DIP2B: variants seen among roughly 807,000 people sequenced by gnomAD.
The protein encoded by DIP2B is disco-interacting protein 2 homolog B.
A neutral mutation model predicts 198.0 loss-of-function variants in DIP2B; 76 were observed. The ratio of observed to expected loss-of-function variants is 0.38; its 90% CI spans 0.32 to 0.46. The LOEUF is 0.46. Among genes scored for constraint, DIP2B ranks in the 20% least tolerant of loss-of-function variants. The pLI is 0.99. For missense variants in DIP2B, 1,559 were observed against 1,978.4 expected, an observed-to-expected ratio of 0.79 and a Z score of 4.02; for synonymous variants, 701 against 739.1, an observed-to-expected ratio of 0.95 and a Z score of 0.84.
intron 1 of DIP2B, among the ~76,000 whole-genome samples, chr12:50,572,538 T>C (rs1347224353): frequency 6.6e-6 from 1 of 152,166 alleles, no homozygotes; most frequent in Non-Finnish European, 1.5e-5. Flanking sequence ...TCCTGCTAGA[T>C]GCTTTGAGGG....
At chr12:50,681,683 C>T (rs1408807959) in intron 9 of DIP2B, among the ~76,000 whole-genome samples, 1 of 152,116 alleles carries the variant, frequency 6.6e-6, no homozygotes, top group Non-Finnish European at 1.5e-5. Context: ...GAAACACCAA[C>T]TACACAATAG....
chr12:50,696,009 T>C (rs1203799902), intron 16 of DIP2B, 42 bp downstream of exon 16: 1 of 1,612,222 alleles, frequency 6.2e-7, no homozygotes, highest in African/African-American at 1.3e-5. Context: ...ATCCTGTGTT[T>C]TGATAGATTA....
intron 2 of DIP2B, among the ~76,000 whole-genome samples, chr12:50,638,736 A>G (rs1252300244): frequency 3.3e-5 from 5 of 152,122 alleles, no homozygotes; most frequent in Admixed American, 1.3e-4. Flanking sequence ...CTGACATTAC[A>G]TATGCTGTTA....
intron 1 of DIP2B, among the ~76,000 whole-genome samples, chr12:50,599,999 GA>G (rs951129519): frequency 5.9e-5 from 9 of 151,888 alleles, no homozygotes; most frequent in Non-Finnish European, 8.8e-5. Context: ...ACTGAGCAGG[GA>G]AAAAAAATTG....
At chr12:50,560,325 G>C (rs1219345937) in intron 1 of DIP2B, among the ~76,000 whole-genome samples, 1 of 151,860 alleles carries the variant, frequency 6.6e-6, no homozygotes, top group Non-Finnish European at 1.5e-5. Context: ...AACCTGGGAG[G>C]TGGAGCTTGC....
chr12:50,615,256 CCCG>C (rs1459946406), intron 1 of DIP2B, among the ~76,000 whole-genome samples: 1 of 152,084 alleles, frequency 6.6e-6, no homozygotes, highest in African/African-American at 2.4e-5. Flanking sequence ...CACCCCCTCC[CCCG>C]CCATTTCTTT....
intron 10 of DIP2B, among the ~76,000 whole-genome samples, chr12:50,684,554 G>A (rs1322189244): frequency 6.6e-6 from 1 of 152,202 alleles, no homozygotes; most frequent in Non-Finnish European, 1.5e-5. Flanking sequence ...CACTTTGGGA[G>A]GCCGAGGTGG....
intron 1 of DIP2B, among the ~76,000 whole-genome samples, chr12:50,616,688 A>T (rs796324625): frequency 2.6e-5 from 4 of 152,312 alleles, no homozygotes; most frequent in African/African-American, 9.6e-5. Context: ...CTTGTTTTGT[A>T]TGACTGTGAG....
chr12:50,713,935 A>T (rs1246084936), intron 22 of DIP2B, among the ~76,000 whole-genome samples: 1 of 151,928 alleles, frequency 6.6e-6, no homozygotes, highest in Admixed American at 6.6e-5. Flanking sequence ...AAAAGAAAAG[A>T]AAAAAAATTA....
intron 5 of DIP2B, 86 bp downstream of exon 5, chr12:50,671,484 T>G (rs1938853513): frequency 7.4e-7 from 1 of 1,344,734 alleles, no homozygotes; most frequent in Non-Finnish European, 1.0e-6. Context: ...TTGTGTTAGG[T>G]TTTTCAGTAT....
chr12:50,605,247 A>G (rs761567203), intron 1 of DIP2B, among the ~76,000 whole-genome samples: 2 of 152,192 alleles, frequency 1.3e-5, no homozygotes, highest in Admixed American at 6.5e-5. Context: ...GTGTTATGCA[A>G]CCATCACTGT....
chr12:50,709,617 G>A (rs1028564713), intron 22 of DIP2B, among the ~76,000 whole-genome samples: 1 of 150,472 alleles, frequency 6.6e-6, no homozygotes, highest in South Asian at 2.1e-4. Flanking sequence ...CAGCCTGGGG[G>A]ACAGAGCAAG....
Position 50,744,704 on chromosome 12 carries a change from C to G in DIP2B, c.4596C>G (p.Leu1532=), listed in dbSNP as rs142375450. The change falls in exon 38 of 38, where the codon CTC becomes CTG. Residue 1532 remains leucine, a synonymous_variant. Coordinates refer to ENST00000301180, the MANE Select transcript of DIP2B (RefSeq NM_173602.3). ...VTNVVLEEHY[L]IVGVVVVVDP... is the part of the protein sequence containing the mutation. ...ACGTGGTCCTGGAAGAGCATTACCT[C>G]ATCGTTGGCGTCGTGGTTGTGGTGG... 19 of 1,614,082 alleles carry G rather than the reference C, an allele frequency of 1.2e-5. No individual in the cohort carries two copies. The African/African-American group carries it at 1.6e-4, about 14-fold the overall frequency.
intron 1 of DIP2B, among the ~76,000 whole-genome samples, chr12:50,592,872 T>C (rs991217740): frequency 3.3e-5 from 5 of 152,196 alleles, no homozygotes; most frequent in Non-Finnish European, 2.9e-5. Flanking sequence ...TAATAGGTGC[T>C]TCTAAATGTT....
intron 1 of DIP2B, among the ~76,000 whole-genome samples, chr12:50,604,146 A>G (rs1423348954): frequency 7.2e-6 from 1 of 138,762 alleles, no homozygotes; most frequent in East Asian, 3.4e-4. Context: ...GAGAGCAGAC[A>G]AGTTAGGCAA....
intron 14 of DIP2B, 104 bp downstream of exon 14, chr12:50,693,117 C>A (rs1388150553): frequency 2.7e-6 from 3 of 1,122,134 alleles, no homozygotes; most frequent in African/African-American, 3.2e-5. Flanking sequence ...AAATTTAAAT[C>A]CCCAAAAGGT....
intron 36 of DIP2B, among the ~76,000 whole-genome samples, chr12:50,739,974 C>T (rs1204429263): frequency 6.6e-6 from 1 of 152,198 alleles, no homozygotes; most frequent in Admixed American, 6.5e-5. Context: ...CTGAGAGGGG[C>T]GTCAGTTCCA....
Position 50,660,559 on chromosome 12 carries a change from C to CT in DIP2B, c.427+252dup, listed in dbSNP as rs1000542930. On this transcript the variant is annotated intron_variant, in intron 4 of 37. Coordinates refer to ENST00000301180, the MANE Select transcript of DIP2B (RefSeq NM_173602.3). ...AAAACTTTCCTTCTGAATTTCCAGT[C>CT]TTTTTTTTTTTTGGCTGTAATCCCC... Among the ~76,000 whole-genome samples the CT allele has an allele frequency of 2.8e-3, 407 of 144,200 alleles. 1 individual carries two copies. Among genetic ancestry groups the CT allele is most frequent in the African/African-American group, 7.6e-3 (300 of 39,530 alleles). 94.6% of individuals were successfully genotyped at this position (144,200 alleles called of 152,430 possible). A position where few individuals can be genotyped will look rare whatever the true frequency, so the allele number is the denominator to read the frequency against.
At chr12:50,616,976 T>C (rs1160900319) in intron 1 of DIP2B, among the ~76,000 whole-genome samples, 2 of 152,192 alleles carry the variant, frequency 1.3e-5, no homozygotes, top group Non-Finnish European at 2.9e-5. Flanking sequence ...CCCTCATGTA[T>C]GAGTAGTGAT....
Sources: allele counts gnomAD v4.1 joint callset (sites outside exome capture counted in the v4.1 genomes callset), GRCh38; gene constraint gnomAD v4.1.1; transcripts MANE v1.5; gene names NCBI Gene and HGNC (gene_info 2026-07-23, HGNC 2026-07-21).